REV3L: variants seen among roughly 807,000 people sequenced by gnomAD.
REV3L encodes the protein REV3 like, DNA directed polymerase zeta catalytic subunit.
In REV3L, 69 loss-of-function variants were observed where a neutral mutation model predicts 299.4. The observed-to-expected ratio is 0.23, with a 90% CI of 0.19 to 0.28. The LOEUF is 0.28. Ranked by LOEUF, REV3L falls within the 10% of genes least tolerant of loss-of-function variation. The pLI, the probability that REV3L is intolerant of heterozygous loss-of-function variation, is 1.00. For synonymous variants in REV3L, 1,238 were observed against 1,271.4 expected (o/e 0.97, Z 0.56); for missense variants, 3,128 against 3,693.8 (o/e 0.85, Z 3.97).
chr6:111,332,729 T>A (rs1775522933), intron 23 of REV3L, among the ~76,000 whole-genome samples: 1 of 152,244 alleles, frequency 6.6e-6, no homozygotes, highest in Admixed American at 6.5e-5. Flanking sequence ...ATTTAATTTT[T>A]AAAATCCTGG....
chr6:111,309,925 G>C lies in REV3L; in HGVS notation c.8970C>G (p.Ile2990Met), dbSNP rs1453186119. 6.2e-7 allele frequency: 1 copy of C among 1,614,038 alleles called. No homozygotes were observed. Among genetic ancestry groups the C allele is most frequent in the South Asian group, 1.1e-5 (1 of 91,068 alleles). ...LNATYYITKQ[I>M]LPPLARIFSL... ...AGAAGATTCTTGCCAAGGGTGGAAG[G>C]ATTTGCTTGGTAATATAGTAAGTAG... Residue 2990 changes from isoleucine to methionine, a missense_variant, in exon 30 of 32, where the codon ATC becomes ATG. Physicochemically the swap from Ile to Met is conservative, Grantham distance 10. Transcript: ENST00000368802.
intron 31 of REV3L, among the ~76,000 whole-genome samples, chr6:111,303,166 T>TTTCTTTC (rs796905375): frequency 0.019 from 255 of 13,136 alleles, 6 homozygotes; most frequent in African/African-American, 0.049. Context: ...CTTTTCTTTC[T>TTTCTTTC]TTTTTTTTTT....
chr6:111,349,294 T>A lies in REV3L; in HGVS notation c.7343A>T (p.Tyr2448Phe). 6.2e-7 allele frequency: 1 copy of A among 1,605,530 alleles called. No homozygotes were observed. Among genetic ancestry groups the A allele is most frequent in the Non-Finnish European group, 8.5e-7 (1 of 1,174,418 alleles). The change falls in exon 20 of 32, where the codon TAT becomes TTT. Residue 2448 changes from tyrosine (Y) to phenylalanine (F), a missense_variant. Tyr to Phe is a conservative substitution (Grantham distance 22). Transcript: ENST00000368802. ...ENRFAAERDE[Y>F]GSYTMSEINI... ...TATCTCACTCATTGTATATGATCCA[T>A]ACTCATCTCTTTCAGCTGCAAATCT...
chr6:111,431,351 C>A, intron 1 of REV3L: 1 of 1,017,634 alleles, frequency 9.8e-7, no homozygotes, highest in Non-Finnish European at 1.6e-6. Flanking sequence ...ACCAGGATGT[C>A]TGGACTCCAA....
At chr6:111,431,108 T>A (rs1258607274) in intron 1 of REV3L, 76 of 1,510,670 alleles carry the variant, frequency 5.0e-5, no homozygotes, top group Non-Finnish European at 6.2e-5. Context: ...TCTGATTTAA[T>A]CTATTCAACC....
At chr6:111,378,792 TA>T (rs1780553978) in intron 11 of REV3L, among the ~76,000 whole-genome samples, 1 of 152,226 alleles carries the variant, frequency 6.6e-6, no homozygotes, top group Non-Finnish European at 1.5e-5. Flanking sequence ...TTAAAATACA[TA>T]AAGGCATTTC....
chr6:111,430,270 G>A (rs942010117), intron 1 of REV3L: 14 of 973,450 alleles, frequency 1.4e-5, no homozygotes, highest in Admixed American at 3.4e-5. Context: ...CGAGACAATT[G>A]CAGAGAAAAG....
At chr6:111,423,090 C>G (rs1484542257) in intron 1 of REV3L, among the ~76,000 whole-genome samples, 1 of 152,020 alleles carries the variant, frequency 6.6e-6, no homozygotes, top group African/African-American at 2.4e-5. Flanking sequence ...TTTCTCTACT[C>G]AAGTAATTTG....
intron 12 of REV3L, among the ~76,000 whole-genome samples, chr6:111,377,113 T>C (rs1315077994): frequency 2.6e-5 from 4 of 152,194 alleles, no homozygotes; most frequent in Non-Finnish European, 5.9e-5. Context: ...ATTATTCTAC[T>C]TGCACAACAA....
At chr6:111,361,033 G>A (rs1778601208) in intron 16 of REV3L, among the ~76,000 whole-genome samples, 1 of 151,960 alleles carries the variant, frequency 6.6e-6, no homozygotes, top group African/African-American at 2.4e-5. Flanking sequence ...ATTTTTAAAT[G>A]GAAAACTCCT....
intron 31 of REV3L, among the ~76,000 whole-genome samples, chr6:111,301,276 G>A (rs924510952): frequency 3.3e-5 from 5 of 152,134 alleles, no homozygotes; most frequent in East Asian, 3.9e-4. Context: ...TGCCCAGCAC[G>A]ACATGGACCT....
chr6:111,461,555 C>A (rs1010421030), intron 1 of REV3L, among the ~76,000 whole-genome samples: 3 of 151,786 alleles, frequency 2.0e-5, no homozygotes, highest in African/African-American at 4.8e-5. Context: ...TAGCAATATA[C>A]TGTAAAGTCT....
chr6:111,373,069 G>A lies in REV3L; in HGVS notation c.5286C>T (p.Phe1762=). The A allele has an allele frequency of 6.2e-7, 1 of 1,614,144 alleles. No homozygotes were observed. Among genetic ancestry groups the A allele is most frequent in the Non-Finnish European group, 8.5e-7 (1 of 1,180,012 alleles). The change falls in exon 13 of 32, where the codon TTC becomes TTT. Residue 1762 remains phenylalanine, a synonymous_variant. Transcript: ENST00000368802. ...GACAGTCTTCTGCCTGCTGAACACA[G>A]AAAGAATCCATTATTGAGTTAGACC... is the stretch of plus-strand genomic sequence containing the variant. ...TTRSNSIMDS[F]CVQQAEDCLS...
chr6:111,299,968 G>A lies in REV3L; in HGVS notation c.*48C>T, dbSNP rs925219823. The A allele has an allele frequency of 6.4e-7, 1 of 1,568,076 alleles. No homozygotes were observed. The highest frequency in any genetic ancestry group is 8.7e-7 in the Non-Finnish European group (1 of 1,153,658). ...AAAGCACCATGCACAACAGTTTAGT[G>A]GTAAGCACTGAAAAAAATAGCACCT... On this transcript the variant is annotated 3_prime_UTR_variant, in exon 32 of 32. Transcript: ENST00000368802.
chr6:111,324,664 CATA>C (rs908200769), intron 25 of REV3L, among the ~76,000 whole-genome samples: 23 of 152,202 alleles, frequency 1.5e-4, no homozygotes, highest in African/African-American at 3.9e-4. Context: ...CTGAAGACCA[CATA>C]ATAAGAAGAA....
intron 3 of REV3L, among the ~76,000 whole-genome samples, chr6:111,406,932 CTG>C (rs1273013439): frequency 3.3e-5 from 5 of 152,232 alleles, no homozygotes; most frequent in Admixed American, 2.0e-4. Context: ...TATTACAAGT[CTG>C]TGGTACGATC....
chr6:111,482,817 T>G lies in REV3L; in HGVS notation c.72A>C (p.Gln24His). The change falls in exon 1 of 32, where the codon CAA becomes CAC. Residue 24 changes from glutamine (Q) to histidine (H), a missense_variant. By Grantham distance (24) the Gln-to-His change is conservative (BLOSUM62 0). Coordinates refer to ENST00000368802, the MANE Select transcript of REV3L (RefSeq NM_001372078.1). ...TGACAGGGGCCTGGGTGAGGGGGGATTGGCAGGTATCCAGCCCCTGCAGCG... is the reference window on the plus strand; with the variant it reads ...TGACAGGGGCCTGGGTGAGGGGGGAGTGGCAGGTATCCAGCCCCTGCAGCG... The part of the protein sequence containing the change: ...ASPLQGLDTC[Q>H]SPLTQAPVKK... 1 of 1,501,672 alleles carries G rather than the reference T, an allele frequency of 6.7e-7. No individual in the cohort carries two copies. The highest frequency in any genetic ancestry group is 8.9e-7 in the Non-Finnish European group (1 of 1,129,710). 93.0% of individuals were successfully genotyped at this position (1,501,672 alleles called of 1,614,324 possible).
At chr6:111,419,667 C>T (rs1339013462) in intron 1 of REV3L, among the ~76,000 whole-genome samples, 1 of 152,188 alleles carries the variant, frequency 6.6e-6, no homozygotes, top group East Asian at 1.9e-4. Context: ...GTAGCTGGTA[C>T]TAGAAACCCA....
At chr6:111,341,985 A>G (rs1776540502) in intron 21 of REV3L, among the ~76,000 whole-genome samples, 1 of 151,462 alleles carries the variant, frequency 6.6e-6, no homozygotes, top group African/African-American at 2.5e-5. Flanking sequence ...GAGCCCAGAA[A>G]AAAACAGAGG....
Sources: allele counts gnomAD v4.1 joint callset (sites outside exome capture counted in the v4.1 genomes callset), GRCh38; gene constraint gnomAD v4.1.1; transcripts MANE v1.5; gene names NCBI Gene and HGNC (gene_info 2026-07-23, HGNC 2026-07-21).